The following MIA2 variants were observed in gnomAD, a reference collection of about 807,000 sequenced individuals.
MIA2 encodes MIA SH3 domain ER export factor 2.
MIA2 carries 127 observed loss-of-function variants against 167.8 expected under a neutral mutation model. The ratio of observed to expected loss-of-function variants is 0.76; its 90% CI spans 0.66 to 0.88. The LOEUF (loss-of-function observed/expected upper bound fraction) is 0.88, where lower values mean the gene tolerates loss of function less well. Among genes scored for constraint, MIA2 ranks in the 40% least tolerant of loss-of-function variants. The pLI, the probability that MIA2 is intolerant of heterozygous loss-of-function variation, is 0.00. For missense variants in MIA2, 1,690 were observed against 1,624.7 expected, an observed-to-expected ratio of 1.04 and a Z score of -0.69; for synonymous variants, 552 against 541.9, an observed-to-expected ratio of 1.02 and a Z score of -0.26.
intron 25 of MIA2, among the ~76,000 whole-genome samples, chr14:39,329,626 A>G (rs1157215845): frequency 6.8e-6 from 1 of 147,448 alleles, no homozygotes; most frequent in African/African-American, 2.5e-5. Flanking sequence ...ATTTTGAGAT[A>G]TGTTCCATCA....
intron 13 of MIA2, among the ~76,000 whole-genome samples, chr14:39,298,413 T>TATATATATATATATATATATATA (rs2061741128): frequency 3.8e-5 from 1 of 26,138 alleles, no homozygotes; most frequent in Non-Finnish European, 8.1e-5. Flanking sequence ...TGATTCTGTT[T>TATATATATATATATATATATATA]TATATATATA....
At chr14:39,346,235 A>G (rs1345988830) in intron 26 of MIA2, among the ~76,000 whole-genome samples, 1 of 152,218 alleles carries the variant, frequency 6.6e-6, no homozygotes, top group Admixed American at 6.6e-5. Flanking sequence ...TTTGAGCACC[A>G]TGGAAATAGG....
chr14:39,247,274 G>A lies in MIA2; in HGVS notation c.700G>A (p.Ala234Thr). ...KEWFGLGGEQ[A>T]EEKAFESVIE... ...ATGGTTTGGATTGGGAGGAGAACAA[G>A]CTGAAGAGAAGGCTTTTGAATCAGT... The change falls in exon 4 of 29, where the codon GCT (alanine) becomes ACT (threonine). Residue 234 changes from alanine (A) to threonine (T), a missense_variant. Transcript: ENST00000640607. 4 of 1,613,948 alleles carry A rather than the reference G, an allele frequency of 2.5e-6. No homozygotes were observed. Among genetic ancestry groups the A allele is most frequent in the Non-Finnish European group, 3.4e-6 (4 of 1,179,958 alleles).
At chr14:39,343,612 T>G (rs1420924474) in intron 25 of MIA2, among the ~76,000 whole-genome samples, 1 of 152,226 alleles carries the variant, frequency 6.6e-6, no homozygotes, top group Admixed American at 6.5e-5. Flanking sequence ...TTATCTTTTT[T>G]TCTTCCATTC....
chr14:39,274,490 G>A (rs1371663510), intron 6 of MIA2, among the ~76,000 whole-genome samples: 16 of 148,536 alleles, frequency 1.1e-4, no homozygotes, highest in African/African-American at 1.2e-4. Context: ...GTGCAGTGGC[G>A]TGTTCTTGGC....
chr14:39,298,416 TA>T, intron 13 of MIA2, among the ~76,000 whole-genome samples: 1 of 18,002 alleles, frequency 5.6e-5, no homozygotes, highest in African/African-American at 5.8e-4. Flanking sequence ...TTCTGTTTTA[TA>T]TATATATATA....
intron 22 of MIA2, 134 bp downstream of exon 22, chr14:39,318,145 AG>A (rs2065824877): frequency 4.9e-6 from 3 of 615,950 alleles, no homozygotes; most frequent in Admixed American, 3.6e-5. Context: ...TAGTTTTACT[AG>A]GAATGTCTAG....
intron 25 of MIA2, among the ~76,000 whole-genome samples, chr14:39,341,634 G>C: frequency 6.6e-6 from 1 of 152,118 alleles, no homozygotes; most frequent in South Asian, 2.1e-4. Context: ...AGCTGAAGCA[G>C]GTGGTAGAGG....
At chr14:39,307,302 C>T (rs907319861) in intron 17 of MIA2, among the ~76,000 whole-genome samples, 10 of 150,600 alleles carry the variant, frequency 6.6e-5, no homozygotes, top group African/African-American at 9.8e-5. Context: ...ACTTTAGTGG[C>T]GTTTAGCTCT....
At chr14:39,319,394 A>G (rs979099453) in intron 23 of MIA2, 103 bp downstream of exon 23, 48 of 518,738 alleles carry the variant, frequency 9.3e-5, no homozygotes, top group African/African-American at 1.6e-4. Flanking sequence ...TGTTATTTAT[A>G]TAAATATTTT....
At chr14:39,363,532 T>TA (rs2074744546) in intron 23 of MIA2, among the ~76,000 whole-genome samples, 1 of 152,010 alleles carries the variant, frequency 6.6e-6, no homozygotes, top group African/African-American at 2.4e-5. Flanking sequence ...CTGTCTCAAA[T>TA]AAAAAAAATC....
intron 1 of MIA2, among the ~76,000 whole-genome samples, chr14:39,235,336 T>A (rs1221755753): frequency 6.6e-6 from 1 of 152,194 alleles, no homozygotes; most frequent in South Asian, 2.1e-4. Flanking sequence ...GAATTACTTC[T>A]AATTTGCAAC....
chr14:39,256,056 T>C (rs986370365), intron 6 of MIA2, among the ~76,000 whole-genome samples: 2 of 152,204 alleles, frequency 1.3e-5, no homozygotes, highest in Non-Finnish European at 2.9e-5. Flanking sequence ...GGTGAGCTCA[T>C]ATTAAAATCT....
chr14:39,266,348 G>C (rs777050763), intron 6 of MIA2: 1 of 985,256 alleles, frequency 1.0e-6, no homozygotes, highest in Non-Finnish European at 1.2e-6. Flanking sequence ...TTATTCGACG[G>C]TCCTAAAAAT....
At chr14:39,343,271 A>G (rs900032395) in intron 25 of MIA2, among the ~76,000 whole-genome samples, 1 of 152,040 alleles carries the variant, frequency 6.6e-6, no homozygotes, top group African/African-American at 2.4e-5. Flanking sequence ...CAGCCTCCCG[A>G]GTAGCTGGGA....
chr14:39,350,387 G>T lies in MIA2; in HGVS notation c.*123G>T. On this transcript the variant is annotated 3_prime_UTR_variant, in exon 29 of 29. Coordinates refer to ENST00000640607, the MANE Select transcript of MIA2 (RefSeq NM_001329214.4). ...AGCTTAATGGAATTATAATTCTCAG[G>T]ATAGTATTTTGTAAATAAAGATGAT... 6.1e-6 allele frequency: 3 copies of T among 491,974 alleles called. No homozygotes were observed. The highest frequency in any genetic ancestry group is 1.1e-5 in the Non-Finnish European group (3 of 273,294). 30.5% of individuals were successfully genotyped at this position (491,974 alleles called of 1,614,324 possible). A position where few individuals can be genotyped will look rare whatever the true frequency, so the allele number is the denominator to read the frequency against.
At chr14:39,314,656 TAATA>T (rs886256357) in intron 19 of MIA2, 79 bp from the exon 20 acceptor site, 10 of 850,710 alleles carry the variant, frequency 1.2e-5, no homozygotes, top group Middle Eastern at 2.7e-4. Context: ...CTGGGTTTTC[TAATA>T]AATATTTTTT....
At position 39,348,269 on chromosome 14, in the gene MIA2, C is replaced by G. The variant is rs1483954074; in HGVS notation, c.3838-474C>G. Among the ~76,000 whole-genome samples the G allele has an allele frequency of 2.6e-5, 4 of 152,204 alleles. No homozygotes were observed. The East Asian group carries it at 7.7e-4, about 29-fold the overall frequency. On this transcript the variant is annotated intron_variant, in intron 27 of 28. Transcript: ENST00000640607. ...AGCTGTTTCTTTTGTAGATGGTAAC[C>G]TATGGTGATAAAATACAATTTGCAG...
rs182305294 is a variant in MIA2, at chr14:39,310,643, A to G, written c.3017+2056A>G. Among the ~76,000 whole-genome samples, 600 of 152,302 alleles carry G rather than the reference A, an allele frequency of 3.9e-3. 4 individuals carry two copies. The highest frequency in any genetic ancestry group is 6.8e-3 in the Middle Eastern group (2 of 294). On this transcript the variant is annotated intron_variant, in intron 18 of 28. Coordinates refer to ENST00000640607, the MANE Select transcript of MIA2 (RefSeq NM_001329214.4). ...CTAATTTACGATGTATAGTGACTTT[A>G]TGGAACAAAACTAGCACAAATAATG...
Sources: allele counts gnomAD v4.1 joint callset (sites outside exome capture counted in the v4.1 genomes callset), GRCh38; gene constraint gnomAD v4.1.1; transcripts MANE v1.5; gene names NCBI Gene and HGNC (gene_info 2026-07-23, HGNC 2026-07-21).